SLC22A23: variants seen among roughly 807,000 people sequenced by gnomAD.
SLC22A23 encodes the protein ion transporter protein.
Under a neutral mutation model 61.0 loss-of-function variants are expected in SLC22A23, and 26 were observed. That is an observed-to-expected ratio of 0.43 (90% CI 0.31 to 0.59). SLC22A23 has a LOEUF of 0.59. Among genes scored for constraint, SLC22A23 ranks in the 20% least tolerant of loss-of-function variants. The pLI is 0.11. For missense variants in SLC22A23, 796 were observed against 934.7 expected, an observed-to-expected ratio of 0.85 and a Z score of 1.94; for synonymous variants, 430 against 413.9, an observed-to-expected ratio of 1.04 and a Z score of -0.47.
chr6:3,417,672 G>A (rs575607315), intron 1 of SLC22A23, among the ~76,000 whole-genome samples: 55 of 152,294 alleles, frequency 3.6e-4, no homozygotes, highest in African/African-American at 9.4e-4. Context: ...AGTGTGGTTC[G>A]GCAAACCTGC....
At chr6:3,314,266 G>C (rs1762512693) in intron 4 of SLC22A23, among the ~76,000 whole-genome samples, 1 of 152,172 alleles carries the variant, frequency 6.6e-6, no homozygotes, top group Non-Finnish European at 1.5e-5. Flanking sequence ...GCTCTCAGCA[G>C]CCCAGGGCCC....
rs1480800490 is a variant in SLC22A23, at chr6:3,269,529, G to A, written c.*3526C>T. On this transcript the variant is annotated 3_prime_UTR_variant, in exon 10 of 10. Coordinates refer to ENST00000406686, the MANE Select transcript of SLC22A23 (RefSeq NM_015482.2). ...TTTTCCCCAAAGGTACAACAGATGC[G>A]ACACCATGCAGACACGCAGCTGTGA... is the stretch of plus-strand genomic sequence containing the variant. 2 of 152,830 alleles carry A rather than the reference G, an allele frequency of 1.3e-5. No individual in the cohort carries two copies. Among genetic ancestry groups the A allele is most frequent in the Non-Finnish European group, 2.9e-5 (2 of 68,060 alleles). 9.5% of individuals were successfully genotyped at this position (152,830 alleles called of 1,614,324 possible). A position where few individuals can be genotyped will look rare whatever the true frequency, so the allele number is the denominator to read the frequency against.
intron 4 of SLC22A23, among the ~76,000 whole-genome samples, chr6:3,306,705 C>A (rs1198537679): frequency 6.6e-6 from 1 of 152,200 alleles, no homozygotes; most frequent in African/African-American, 2.4e-5. Flanking sequence ...GTGGGCAGAA[C>A]TACAAGTCTC....
chr6:3,368,967 G>C (rs1026568329), intron 3 of SLC22A23, among the ~76,000 whole-genome samples: 1 of 152,018 alleles, frequency 6.6e-6, no homozygotes, highest in Non-Finnish European at 1.5e-5. Flanking sequence ...TCAGAGTGAT[G>C]AGCTAATTAA....
Position 3,366,332 on chromosome 6 carries a change from C to CAAAAAAA in SLC22A23, c.914-42337_914-42331dup, listed in dbSNP as rs11387672. ...TGGGTGACAGAGCAAGACTCTGTCT[C>CAAAAAAA]AAAAAAAAAAAAAAAAAAAAAAAAA... On this transcript the variant is annotated intron_variant, in intron 3 of 9. Coordinates refer to ENST00000406686, the MANE Select transcript of SLC22A23 (RefSeq NM_015482.2). Among the ~76,000 whole-genome samples, 84 of 74,148 alleles carry CAAAAAAA rather than the reference C, an allele frequency of 1.1e-3. 1 individual carries two copies. The highest frequency in any genetic ancestry group is 3.9e-3 in the African/African-American group (62 of 15,904). 48.6% of individuals were successfully genotyped at this position (74,148 alleles called of 152,430 possible).
At chr6:3,357,232 G>A (rs1051181042) in intron 3 of SLC22A23, among the ~76,000 whole-genome samples, 3 of 152,106 alleles carry the variant, frequency 2.0e-5, no homozygotes, top group African/African-American at 4.8e-5. Flanking sequence ...CTTACCTTAA[G>A]CAAAGGTCAA....
chr6:3,429,763 A>G (rs1770739207), intron 1 of SLC22A23, among the ~76,000 whole-genome samples: 1 of 152,230 alleles, frequency 6.6e-6, no homozygotes, highest in Admixed American at 6.5e-5. Context: ...CACATGGATG[A>G]ACCTTGAAGA....
intron 1 of SLC22A23, chr6:3,432,209 G>A (rs539237647): frequency 8.1e-6 from 8 of 985,400 alleles, no homozygotes; most frequent in East Asian, 2.3e-4. Context: ...CCTTGCCCAC[G>A]CCTCTGCTCC....
chr6:3,299,998 C>CCTTTTTTTTTTTTTTT lies in SLC22A23; in HGVS notation c.1083-1781_1083-1780insAAAAAAAAAAAAAAAG, dbSNP rs1761465869. ...ACCTGCTTTGCAAGCTCAGGATAGA[C>CCTTTTTTTTTTTTTTT]TTTTTTTTTTTTTTTTTTTTTTTTT... On this transcript the variant is annotated intron_variant, in intron 4 of 9. Coordinates refer to ENST00000406686, the MANE Select transcript of SLC22A23 (RefSeq NM_015482.2). 8.9e-5 allele frequency among the ~76,000 whole-genome samples: 7 copies of CCTTTTTTTTTTTTTTT among 78,802 alleles called. 3 individuals are homozygous for CCTTTTTTTTTTTTTTT. Among genetic ancestry groups the CCTTTTTTTTTTTTTTT allele is most frequent in the African/African-American group, 3.1e-4 (7 of 22,570 alleles). 51.7% of individuals were successfully genotyped at this position (78,802 alleles called of 152,430 possible). A position where few individuals can be genotyped will look rare whatever the true frequency, so the allele number is the denominator to read the frequency against.
chr6:3,362,714 G>A (rs1245353290), intron 3 of SLC22A23, among the ~76,000 whole-genome samples: 1 of 152,130 alleles, frequency 6.6e-6, no homozygotes, highest in Non-Finnish European at 1.5e-5. Flanking sequence ...AGTGAGGATG[G>A]GAGAACCAGA....
chr6:3,282,738 GCTC>G (rs1759588656), intron 9 of SLC22A23, among the ~76,000 whole-genome samples: 1 of 152,224 alleles, frequency 6.6e-6, no homozygotes, highest in African/African-American at 2.4e-5. Flanking sequence ...TATAACTCAA[GCTC>G]CTCAGTAAGT....
rs938620118 is a variant in SLC22A23, at chr6:3,352,949, T to C, written c.914-28947A>G. On this transcript the variant is annotated intron_variant, in intron 3 of 9. Transcript: ENST00000406686. The stretch of plus-strand genomic sequence containing the variant: ...ACCAGAACCCCCAGTGGTCAGCTTG[T>C]CCCAACAGGACTTTGTTGCTGAGGA... Among the ~76,000 whole-genome samples the C allele has an allele frequency of 3.9e-5, 6 of 152,132 alleles. 1 individual carries two copies. Among genetic ancestry groups the C allele is most frequent in the Admixed American group, 1.3e-4 (2 of 15,272 alleles).
At chr6:3,299,352 C>A (rs1478624965) in intron 4 of SLC22A23, among the ~76,000 whole-genome samples, 1 of 152,138 alleles carries the variant, frequency 6.6e-6, no homozygotes, top group Admixed American at 6.6e-5. Flanking sequence ...ATATGACCAA[C>A]CTGCAGTTAT....
rs10498662 is a variant in SLC22A23, at chr6:3,410,877, G to A, written c.759-535C>T. Among the ~76,000 whole-genome samples, 36,760 of 152,052 alleles carry A rather than the reference G, an allele frequency of 0.24. 4,934 individuals are homozygous for A. Among genetic ancestry groups the A allele is most frequent in the East Asian group, 0.37 (1,917 of 5,166 alleles). On this transcript the variant is annotated intron_variant, in intron 2 of 9. Coordinates refer to ENST00000406686, the MANE Select transcript of SLC22A23 (RefSeq NM_015482.2). This position sits in a 1 kb window ranked among gnomAD's most constrained non-coding sequence, Gnocchi z 5.0. ...ATCTGTCAATTTGTTTCAGCTACAC[G>A]ACGAGAAGTAATTTTTAAGGGATCA...
In SLC22A23 at chr6:3,273,218, C is replaced by T; in HGVS notation, c.1898G>A (p.Gly633Glu). The change falls in exon 10 of 10, where the codon GGG (glycine) becomes GAG (glutamate). Residue 633 changes from glycine (G) to glutamate (E), a missense_variant. Coordinates refer to ENST00000406686, the MANE Select transcript of SLC22A23 (RefSeq NM_015482.2). The stretch of plus-strand genomic sequence containing the variant: ...CAGCGGCTGGCGCGTGTAGTGCTCC[C>T]CGTTAGAAATGTTCTCAGGCAGGTT... ...DQNLPENISN[G>E]EHYTRQPLLP... 6.2e-7 allele frequency: 1 copy of T among 1,613,116 alleles called. No homozygotes were observed. Among genetic ancestry groups the T allele is most frequent in the Non-Finnish European group, 8.5e-7 (1 of 1,179,428 alleles).
chr6:3,380,753 G>A (rs995887205), intron 3 of SLC22A23, among the ~76,000 whole-genome samples: 3 of 152,152 alleles, frequency 2.0e-5, no homozygotes, highest in African/African-American at 7.2e-5. Context: ...AATCTCAGAG[G>A]CTGAAAATGC....
At chr6:3,364,538 C>T (rs1765680902) in intron 3 of SLC22A23, among the ~76,000 whole-genome samples, 1 of 152,218 alleles carries the variant, frequency 6.6e-6, no homozygotes, top group East Asian at 1.9e-4. Context: ...CCTGCTCACA[C>T]CATGTGATGA....
intron 3 of SLC22A23, among the ~76,000 whole-genome samples, chr6:3,351,769 C>G (rs1353907352): frequency 6.6e-6 from 1 of 152,202 alleles, no homozygotes; most frequent in Admixed American, 6.5e-5. Context: ...CAAAACTGTC[C>G]CCGAGGAGAC....
intron 6 of SLC22A23, among the ~76,000 whole-genome samples, chr6:3,287,691 TG>T (rs1242526943): frequency 6.6e-6 from 1 of 151,280 alleles, no homozygotes; most frequent in Non-Finnish European, 1.5e-5. Flanking sequence ...TTTTTTGTTT[TG>T]TTTTGTTTTT....
Sources: gnomAD v4.1 joint callset for allele counts (sites outside exome capture counted in the v4.1 genomes callset) on GRCh38, gnomAD v4.1.1 for gene constraint, Gnocchi (gnomAD v3.1) non-coding constraint, MANE v1.5 for transcripts, NCBI Gene and HGNC (gene_info 2026-07-23, HGNC 2026-07-21) for gene names.